SGCZ: variants seen among roughly 807,000 people sequenced by gnomAD.
SGCZ encodes the protein zeta-sarcoglycan.
A neutral mutation model predicts 41.3 loss-of-function variants in SGCZ; 40 were observed. The observed-to-expected ratio is 0.97, with a 90% confidence interval of 0.75 to 1.26. The LOEUF (loss-of-function observed/expected upper bound fraction) is 1.26, where lower values mean the gene tolerates loss of function less well. SGCZ is among the 50% of genes most tolerant of loss of function. The pLI is 0.00. For missense variants in SGCZ, 552 were observed against 369.8 expected (o/e 1.49, Z -4.04); for synonymous variants, 206 against 137.5 (o/e 1.50, Z -3.49).
chr8:15,163,080 A>G (rs1799560980), intron 1 of SGCZ, among the ~76,000 whole-genome samples: 1 of 152,220 alleles, frequency 6.6e-6, no homozygotes, highest in Non-Finnish European at 1.5e-5. Flanking sequence ...AGATCACCAA[A>G]GAACTGGACG....
At chr8:14,516,817 T>G (rs1293740465) in intron 2 of SGCZ, among the ~76,000 whole-genome samples, 1 of 152,122 alleles carries the variant, frequency 6.6e-6, no homozygotes, top group East Asian at 1.9e-4. Flanking sequence ...TAAATTTTGT[T>G]CACTGTTAAC....
chr8:14,973,339 G>C (rs1273968051), intron 1 of SGCZ, among the ~76,000 whole-genome samples: 1 of 152,118 alleles, frequency 6.6e-6, no homozygotes, highest in Non-Finnish European at 1.5e-5. Flanking sequence ...AAAATGACTA[G>C]AGAAAGTTTA....
intron 5 of SGCZ, among the ~76,000 whole-genome samples, chr8:14,154,881 G>T (rs1162562329): frequency 1.3e-5 from 2 of 152,150 alleles, no homozygotes; most frequent in African/African-American, 4.8e-5. Context: ...TCAGCTTCCA[G>T]GCATGGGGGT....
At chr8:15,237,163 T>C (rs1802154473) in intron 1 of SGCZ, among the ~76,000 whole-genome samples, 1 of 152,056 alleles carries the variant, frequency 6.6e-6, no homozygotes, top group African/African-American at 2.4e-5. Context: ...ACAGGCGGGA[T>C]CGGAGCCGGG....
At chr8:14,333,011 T>G (rs1435340450) in intron 2 of SGCZ, among the ~76,000 whole-genome samples, 1 of 151,592 alleles carries the variant, frequency 6.6e-6, no homozygotes, top group East Asian at 1.9e-4. Flanking sequence ...GTAGGAACAC[T>G]TGGAACACAT....
intron 4 of SGCZ, among the ~76,000 whole-genome samples, chr8:14,203,304 C>T (rs542127004): frequency 4.3e-4 from 66 of 152,204 alleles, no homozygotes; most frequent in Admixed American, 1.8e-3. Context: ...GCTGTTAAGA[C>T]GAGAAGAGTG....
chr8:14,225,106 G>A (rs1386411546), intron 4 of SGCZ, among the ~76,000 whole-genome samples: 7 of 152,042 alleles, frequency 4.6e-5, no homozygotes. Flanking sequence ...AGTATATGTA[G>A]TTTGTACTAG....
intron 2 of SGCZ, among the ~76,000 whole-genome samples, chr8:14,367,580 A>T (rs1413395362): frequency 2.6e-5 from 4 of 152,116 alleles, no homozygotes; most frequent in Non-Finnish European, 5.9e-5. Context: ...GGAAACTTAT[A>T]ATCATGGCAG....
intron 1 of SGCZ, among the ~76,000 whole-genome samples, chr8:14,693,853 A>G (rs62493150): frequency 0.4 from 59,967 of 151,806 alleles, 14,188 homozygotes; most frequent in Non-Finnish European, 0.54. Context: ...CAGCCTCCCA[A>G]AGTGCTGGGA....
rs79199957 is a variant in SGCZ, at chr8:14,516,360, A to G, written c.234+38372T>C. Reference sequence around the variant, plus strand: ...TCCTTCTTCGTGTTAATAAGTTCTTATTATTTAGCTTTCACTTACAAGGGG... The same window carrying G: ...TCCTTCTTCGTGTTAATAAGTTCTTGTTATTTAGCTTTCACTTACAAGGGG... On this transcript the variant is annotated intron_variant, in intron 2 of 7. Coordinates refer to ENST00000382080, the MANE Select transcript of SGCZ (RefSeq NM_139167.4). Among the ~76,000 whole-genome samples the G allele has an allele frequency of 9.5e-3, 1,449 of 152,052 alleles. 27 individuals are homozygous for G. The highest frequency in any genetic ancestry group is 0.034 in the African/African-American group (1,397 of 41,490).
At chr8:14,670,067 T>C (rs931276662) in intron 1 of SGCZ, among the ~76,000 whole-genome samples, 1 of 152,222 alleles carries the variant, frequency 6.6e-6, no homozygotes, top group Non-Finnish European at 1.5e-5. Flanking sequence ...AAAAATCAAA[T>C]CTATCCTTAA....
chr8:15,093,495 A>C (rs1391282266), intron 1 of SGCZ, among the ~76,000 whole-genome samples: 1 of 152,218 alleles, frequency 6.6e-6, no homozygotes, highest in African/African-American at 2.4e-5. Flanking sequence ...AGTTGCTTAG[A>C]AAAGGGTCTC....
chr8:14,900,237 A>G (rs899125521), intron 1 of SGCZ, among the ~76,000 whole-genome samples: 14 of 152,204 alleles, frequency 9.2e-5, no homozygotes, highest in South Asian at 4.1e-4. Context: ...GTAATAGTAA[A>G]TACTGAGCAT....
rs188470730 is a variant in SGCZ at position 14,996,447 on chromosome 8, G to T, written c.39+241138C>A. ...GATGGTGTCCCTCCCTGTCCCCCAG[G>T]CTGGAGTGTAATGGTGCAATCACAG... On this transcript the variant is annotated intron_variant, in intron 1 of 7. Coordinates refer to ENST00000382080, the MANE Select transcript of SGCZ (RefSeq NM_139167.4). Among the ~76,000 whole-genome samples, 7 of 152,158 alleles carry T rather than the reference G, an allele frequency of 4.6e-5. No individual in the cohort carries two copies. The East Asian group carries it at 1.4e-3, about 30-fold the overall frequency.
chr8:14,137,735 A>G (rs909681204), intron 5 of SGCZ, among the ~76,000 whole-genome samples: 1 of 152,212 alleles, frequency 6.6e-6, no homozygotes. Flanking sequence ...GGGAGAATGG[A>G]CCCAAGTTGG....
In SGCZ at chr8:14,935,397, A is replaced by G. The variant is rs939702044; in HGVS notation, c.39+302188T>C. The stretch of plus-strand genomic sequence containing the variant: ...TTTACCTAAATTTATTTATCCATTC[A>G]CCTGTTGAAGGACATCTGGGTCACT... On this transcript the variant is annotated intron_variant, in intron 1 of 7. Transcript: ENST00000382080. Among the ~76,000 whole-genome samples the G allele has an allele frequency of 2.7e-5, 4 of 150,832 alleles. No homozygotes were observed. In the South Asian group the frequency reaches 8.3e-4, roughly 31 times the overall value.
At chr8:14,169,179 T>C (rs1804298332) in intron 4 of SGCZ, among the ~76,000 whole-genome samples, 1 of 152,126 alleles carries the variant, frequency 6.6e-6, no homozygotes, top group African/African-American at 2.4e-5. Flanking sequence ...TTCCACAAGA[T>C]TAATATTTGG....
chr8:15,184,166 TA>T (rs1800262701), intron 1 of SGCZ, among the ~76,000 whole-genome samples: 1 of 152,244 alleles, frequency 6.6e-6, no homozygotes, highest in Non-Finnish European at 1.5e-5. Flanking sequence ...TGCTTGCTCA[TA>T]AAAATGAATT....
At chr8:14,683,137 C>G (rs12548883) in intron 1 of SGCZ, among the ~76,000 whole-genome samples, 30,409 of 152,004 alleles carry the variant, frequency 0.2, 3,685 homozygotes, top group East Asian at 0.43. Flanking sequence ...GTCACAAAAT[C>G]AGAAATCTCA....
Sources: gnomAD v4.1 joint callset for allele counts (sites outside exome capture counted in the v4.1 genomes callset) on GRCh38, gnomAD v4.1.1 for gene constraint, MANE v1.5 for transcripts, NCBI Gene and HGNC (gene_info 2026-07-23, HGNC 2026-07-21) for gene names.